The following ANK1 variants were observed in gnomAD, a reference collection of about 807,000 sequenced individuals.
The protein encoded by ANK1 is ankyrin-1.
In ANK1, 51 loss-of-function variants were observed where a neutral mutation model predicts 210.4. That is an observed-to-expected ratio of 0.24 (90% CI 0.19 to 0.31). The LOEUF is 0.31. Ranked by LOEUF, ANK1 falls within the 10% of genes least tolerant of loss-of-function variation. The pLI is 1.00. For missense variants in ANK1, 2,051 were observed against 2,504.4 expected (o/e 0.82, Z 3.86); for synonymous variants, 967 against 1,025.9 (o/e 0.94, Z 1.10).
chr8:41,703,450 A>ATATATATTTTTTTT (rs59985416), intron 20 of ANK1, among the ~76,000 whole-genome samples: 4 of 58,828 alleles, frequency 6.8e-5, no homozygotes, highest in African/African-American at 3.6e-4. Flanking sequence ...ATATATATAT[A>ATATATATTTTTTTT]TTTTTTTTTT....
At chr8:41,762,730 A>G (rs761930698) in intron 1 of ANK1, among the ~76,000 whole-genome samples, 6 of 152,238 alleles carry the variant, frequency 3.9e-5, no homozygotes, top group Non-Finnish European at 8.8e-5. Flanking sequence ...AGATTCAGTT[A>G]TTAGGAAAAA....
chr8:41,803,982 T>C (rs867197611), intron 1 of ANK1, among the ~76,000 whole-genome samples: 3 of 152,354 alleles, frequency 2.0e-5, no homozygotes, highest in Admixed American at 1.3e-4. Context: ...GTTATTTTAA[T>C]TTGCTACTGC....
At chr8:41,746,175 T>C (rs1836075455) in intron 2 of ANK1, among the ~76,000 whole-genome samples, 1 of 152,212 alleles carries the variant, frequency 6.6e-6, no homozygotes, top group Non-Finnish European at 1.5e-5. Context: ...TGCGGGGCCA[T>C]ACCACCTGCA....
At chr8:41,660,297 C>T (rs1807536129) in intron 42 of ANK1, 2 of 409,896 alleles carry the variant, frequency 4.9e-6, no homozygotes, top group Non-Finnish European at 9.8e-6. Flanking sequence ...GCAGCGGGCC[C>T]TGATTTTTGC....
intron 6 of ANK1, among the ~76,000 whole-genome samples, chr8:41,724,790 C>A (rs1270666448): frequency 2.0e-5 from 3 of 152,074 alleles, no homozygotes; most frequent in African/African-American, 4.8e-5. Flanking sequence ...ACTCTGTGGG[C>A]CCGTTCGTCA....
chr8:41,790,771 T>G (rs1027367201), intron 1 of ANK1, among the ~76,000 whole-genome samples: 1 of 152,218 alleles, frequency 6.6e-6, no homozygotes, highest in East Asian at 1.9e-4. Flanking sequence ...CTTTAGACTT[T>G]CTGGCTAATG....
intron 33 of ANK1, among the ~76,000 whole-genome samples, chr8:41,688,916 G>A (rs925402848): frequency 2.0e-5 from 3 of 152,204 alleles, no homozygotes; most frequent in African/African-American, 7.2e-5. Context: ...TACGTAAACT[G>A]AGGCATAGAG....
At chr8:41,866,813 C>T (rs1031003736) in intron 1 of ANK1, among the ~76,000 whole-genome samples, 2 of 152,244 alleles carry the variant, frequency 1.3e-5, no homozygotes, top group Admixed American at 6.5e-5. Context: ...CTGAATAACA[C>T]TCCATGGTAT....
chr8:41,855,870 T>C (rs751478774), intron 1 of ANK1, among the ~76,000 whole-genome samples: 7 of 151,950 alleles, frequency 4.6e-5, no homozygotes, highest in Admixed American at 2.0e-4. Context: ...TTCTGTCACA[T>C]CCAATTCATC....
At chr8:41,734,723 C>T (rs1833005958) in intron 2 of ANK1, among the ~76,000 whole-genome samples, 1 of 151,084 alleles carries the variant, frequency 6.6e-6, no homozygotes, top group Admixed American at 6.6e-5. Flanking sequence ...GAAACCCTAG[C>T]TCTACAAAAG....
At chr8:41,878,935 C>T (rs1009426520) in intron 1 of ANK1, among the ~76,000 whole-genome samples, 2 of 152,008 alleles carry the variant, frequency 1.3e-5, no homozygotes, top group Admixed American at 6.6e-5. Context: ...TGGTGGTAGA[C>T]GCCTGTAATC....
chr8:41,734,733 G>GA (rs796964750), intron 2 of ANK1, among the ~76,000 whole-genome samples: 3,000 of 145,648 alleles, frequency 0.021, 98 homozygotes, highest in African/African-American at 0.071. Context: ...CTCTACAAAA[G>GA]AAAAAAAAAA....
At chr8:41,683,002 C>T (rs1415146683) in intron 37 of ANK1, among the ~76,000 whole-genome samples, 1 of 151,382 alleles carries the variant, frequency 6.6e-6, no homozygotes, top group East Asian at 1.9e-4. Flanking sequence ...GCCGGGCACA[C>T]GCAGCAGGCA....
At chr8:41,748,625 T>A (rs1399645648) in intron 2 of ANK1, among the ~76,000 whole-genome samples, 1 of 152,202 alleles carries the variant, frequency 6.6e-6, no homozygotes, top group Non-Finnish European at 1.5e-5. Flanking sequence ...AACCTTTCTC[T>A]GACTCATTAG....
chr8:41,826,208 G>C (rs1379857427), intron 1 of ANK1, among the ~76,000 whole-genome samples: 3 of 152,104 alleles, frequency 2.0e-5, no homozygotes, highest in Non-Finnish European at 2.9e-5. Context: ...TTTGCTGACT[G>C]TGCAATTGCC....
chr8:41,884,191 A>C (rs1818058246), intron 1 of ANK1, among the ~76,000 whole-genome samples: 1 of 152,142 alleles, frequency 6.6e-6, no homozygotes, highest in Admixed American at 6.5e-5. Context: ...CTCCACAAAA[A>C]TAAAACATGA....
intron 1 of ANK1, among the ~76,000 whole-genome samples, chr8:41,874,202 C>T (rs1439772835): frequency 6.6e-6 from 1 of 152,184 alleles, no homozygotes; most frequent in Non-Finnish European, 1.5e-5. Flanking sequence ...AGGTATGGTG[C>T]CTGCACCCTG....
intron 1 of ANK1, among the ~76,000 whole-genome samples, chr8:41,882,739 G>A (rs1371401342): frequency 6.6e-6 from 1 of 152,252 alleles, no homozygotes; most frequent in Non-Finnish European, 1.5e-5. Context: ...GCTCTGGGCT[G>A]TGGGATTGCC....
At chr8:41,794,315 C>T (rs561389890) in intron 1 of ANK1, among the ~76,000 whole-genome samples, 3 of 152,304 alleles carry the variant, frequency 2.0e-5, no homozygotes, top group South Asian at 2.1e-4. Flanking sequence ...ACTGGCCTCC[C>T]GGTTATTCCC....
Sources: allele counts gnomAD v4.1 joint callset (sites outside exome capture counted in the v4.1 genomes callset), GRCh38; gene constraint gnomAD v4.1.1; transcripts MANE v1.5; gene names NCBI Gene and HGNC (gene_info 2026-07-23, HGNC 2026-07-21).